The following SOX6 variants were observed in gnomAD, a reference collection of about 807,000 sequenced individuals.
SOX6 encodes the protein transcription factor SOX-6.
SOX6 carries 11 observed loss-of-function variants against 97.8 expected under a neutral mutation model. The ratio of observed to expected loss-of-function variants is 0.11; its 90% CI spans 0.07 to 0.19. The LOEUF (loss-of-function observed/expected upper bound fraction) is 0.19, where lower values mean the gene tolerates loss of function less well. Ranked by LOEUF, SOX6 falls within the 10% of genes least tolerant of loss-of-function variation. The pLI is 1.00. For synonymous variants in SOX6, 360 were observed against 371.4 expected (o/e 0.97, Z 0.35); for missense variants, 810 against 1,039.5 (o/e 0.78, Z 3.04).
At chr11:16,545,670 G>A (rs1328324079) in intron 4 of SOX6, among the ~76,000 whole-genome samples, 1 of 152,160 alleles carries the variant, frequency 6.6e-6, no homozygotes, top group Non-Finnish European at 1.5e-5. Flanking sequence ...AAGTCAAACT[G>A]ACCAGGCATG....
At chr11:16,473,552 CTTTT>C (rs61587370) in intron 1 of SOX6, among the ~76,000 whole-genome samples, 1 of 132,770 alleles carries the variant, frequency 7.5e-6, no homozygotes, top group Non-Finnish European at 1.6e-5. Context: ...GTGACAATTC[CTTTT>C]TTTTTTTTTT....
At chr11:16,138,781 A>G (rs941963512) in intron 6 of SOX6, among the ~76,000 whole-genome samples, 4 of 150,802 alleles carry the variant, frequency 2.7e-5, no homozygotes, top group African/African-American at 9.8e-5. Flanking sequence ...ATTCCCACCT[A>G]TGAGTGAGAA....
rs66826329 is a variant in SOX6 at position 16,132,394 on chromosome 11, GAAAGAAA to G, written c.778-20478_778-20472del. On this transcript the variant is annotated intron_variant, in intron 6 of 15. Coordinates refer to ENST00000683767, the MANE Select transcript of SOX6 (RefSeq NM_001367873.1). ...AGAAAGAAAGAAAGAAAGAAAGAAA[GAAAGAAA>G]AAAGAAAGAAAGAAAGAAAGAAAGA... 1.3e-3 allele frequency among the ~76,000 whole-genome samples: 82 copies of G among 63,698 alleles called. 1 individual carries two copies. The highest frequency in any genetic ancestry group is 7.4e-3 in the Middle Eastern group (1 of 136). 41.8% of individuals were successfully genotyped at this position (63,698 alleles called of 152,430 possible).
chr11:16,466,860 G>A lies in SOX6; in HGVS notation c.-5+9455C>T, dbSNP rs1045849029. On this transcript the variant is annotated intron_variant, in intron 1 of 15. Transcript: ENST00000396356. ...GCAGGAGAATGGCGTGAACCCGGGA[G>A]GCGGAGCTTGCAGTGAGCCGAGATC... Among the ~76,000 whole-genome samples, 4 of 145,878 alleles carry A rather than the reference G, an allele frequency of 2.7e-5. No individual in the cohort carries two copies. In the South Asian group the frequency reaches 8.7e-4, roughly 32 times the overall value.
intron 2 of SOX6, among the ~76,000 whole-genome samples, chr11:16,725,696 T>TC (rs1014934847): frequency 9.2e-5 from 14 of 152,198 alleles, no homozygotes; most frequent in African/African-American, 3.4e-4. Flanking sequence ...TTTCTTTTTT[T>TC]CTCTCTCTAT....
intron 3 of SOX6, among the ~76,000 whole-genome samples, chr11:16,645,106 T>G (rs1469156157): frequency 6.6e-6 from 1 of 152,220 alleles, no homozygotes; most frequent in Non-Finnish European, 1.5e-5. Flanking sequence ...ATGAGAAATA[T>G]TCATTCGTCA....
At chr11:16,580,158 T>C (rs1848019207) in intron 4 of SOX6, among the ~76,000 whole-genome samples, 1 of 152,140 alleles carries the variant, frequency 6.6e-6, no homozygotes, top group Non-Finnish European at 1.5e-5. Context: ...ACCACAAACC[T>C]ATGGAATCTG....
intron 3 of SOX6, among the ~76,000 whole-genome samples, chr11:16,697,653 T>C (rs1478587705): frequency 6.6e-6 from 1 of 152,142 alleles, no homozygotes; most frequent in Non-Finnish European, 1.5e-5. Flanking sequence ...TCACATCCAT[T>C]AAAGGATCAC....
chr11:16,172,689 C>T (rs1851070265), intron 6 of SOX6, among the ~76,000 whole-genome samples: 1 of 152,020 alleles, frequency 6.6e-6, no homozygotes, highest in South Asian at 2.1e-4. Context: ...CATCTAGAAT[C>T]AGAGGCCAGA....
intron 9 of SOX6, among the ~76,000 whole-genome samples, chr11:16,077,993 A>T (rs1482652531): frequency 6.6e-6 from 1 of 152,184 alleles, no homozygotes; most frequent in African/African-American, 2.4e-5. Context: ...TTTTCCAAGT[A>T]TTTTTTCTTT....
chr11:16,653,906 T>A (rs970608469), intron 3 of SOX6, among the ~76,000 whole-genome samples: 1 of 151,030 alleles, frequency 6.6e-6, no homozygotes, highest in Non-Finnish European at 1.5e-5. Context: ...ATTTATGTAA[T>A]ATTACATAAA....
intron 6 of SOX6, among the ~76,000 whole-genome samples, chr11:16,127,813 A>G (rs949615674): frequency 6.6e-6 from 1 of 152,170 alleles, no homozygotes; most frequent in African/African-American, 2.4e-5. Context: ...AGGGGAATCC[A>G]TAACAGACAT....
chr11:16,470,047 C>G (rs1458262472), intron 1 of SOX6, among the ~76,000 whole-genome samples: 1 of 152,138 alleles, frequency 6.6e-6, no homozygotes, highest in East Asian at 1.9e-4. Flanking sequence ...CCACATTTCA[C>G]AAATGTATAG....
chr11:16,719,564 A>G (rs1848243850), intron 2 of SOX6, among the ~76,000 whole-genome samples: 1 of 152,212 alleles, frequency 6.6e-6, no homozygotes, highest in South Asian at 2.1e-4. Context: ...TGTTTAGTAA[A>G]GTTTTCTGTA....
intron 3 of SOX6, among the ~76,000 whole-genome samples, chr11:16,676,331 G>A (rs1847884493): frequency 6.6e-6 from 1 of 152,040 alleles, no homozygotes; most frequent in Non-Finnish European, 1.5e-5. Flanking sequence ...TTTGCAAATT[G>A]TTTCCTTTAG....
intron 4 of SOX6, among the ~76,000 whole-genome samples, chr11:16,611,673 GA>G (rs1344620000): frequency 6.6e-6 from 1 of 152,208 alleles, no homozygotes; most frequent in African/African-American, 2.4e-5. Context: ...AAAGAGGTCG[GA>G]ACTCGTGTTT....
At chr11:15,994,158 A>G (rs963475030) in intron 13 of SOX6, among the ~76,000 whole-genome samples, 8 of 152,228 alleles carry the variant, frequency 5.3e-5, no homozygotes, top group African/African-American at 1.9e-4. Flanking sequence ...AAAATTACAA[A>G]CGATGCTAAC....
At chr11:16,241,129 T>C (rs1361705339) in intron 3 of SOX6, among the ~76,000 whole-genome samples, 2 of 152,110 alleles carry the variant, frequency 1.3e-5, no homozygotes, top group African/African-American at 4.8e-5. Flanking sequence ...ACAATTCTTT[T>C]TCCATAATGC....
intron 3 of SOX6, among the ~76,000 whole-genome samples, chr11:16,304,962 C>T (rs958784707): frequency 2.6e-5 from 4 of 151,644 alleles, no homozygotes; most frequent in Admixed American, 6.6e-5. Context: ...TAAAACTACA[C>T]ATCTTTCAGA....
Sources: gnomAD v4.1 joint callset for allele counts (sites outside exome capture counted in the v4.1 genomes callset) on GRCh38, gnomAD v4.1.1 for gene constraint, MANE v1.5 for transcripts, NCBI Gene and HGNC (gene_info 2026-07-23, HGNC 2026-07-21) for gene names.